Variants in ASB18 observed in about 807,000 individuals in gnomAD.
ASB18 encodes the protein ankyrin repeat and SOCS box containing 18, also known as ankyrin repeat and SOCS box protein 18.
In ASB18, 33 loss-of-function variants were observed where a neutral mutation model predicts 33.4. The observed-to-expected ratio is 0.99, with a 90% CI of 0.75 to 1.32. The LOEUF is 1.32. Among genes scored for constraint, ASB18 ranks in the 40% most tolerant of loss-of-function variants. The pLI is 0.00. For missense variants in ASB18, 694 were observed against 655.5 expected (o/e 1.06, Z -0.64); for synonymous variants, 295 against 307.6 (o/e 0.96, Z 0.43).
rs897994079 is a variant in ASB18 at position 236,238,723 on chromosome 2, T to C, written c.329-767A>G. On this transcript the variant is annotated intron_variant, in intron 2 of 5. Transcript: ENST00000409749. This position sits in a 1 kb window ranked among gnomAD's most constrained non-coding sequence, Gnocchi z 5.2. ...GCACTTTCAAAAAGCCCGTGGAAGG[T>C]TGTTAGCGGCCAGGAGCGCTCGTGG... Among the ~76,000 whole-genome samples the C allele has an allele frequency of 1.3e-5, 2 of 151,990 alleles. No individual in the cohort carries two copies. The highest frequency in any genetic ancestry group is 1.3e-4 in the Admixed American group (2 of 15,252).
At position 236,217,424 on chromosome 2, in the gene ASB18, A is replaced by AATAAAT. The variant is rs1553600512; in HGVS notation, c.597-2559_597-2558insATTTAT. On this transcript the variant is annotated intron_variant, in intron 3 of 5. Coordinates refer to ENST00000409749, the MANE Select transcript of ASB18 (RefSeq NM_212556.4). This position sits in a 1 kb window ranked among gnomAD's most constrained non-coding sequence, Gnocchi z 5.2. ...CGAGACTCTGTCTCAAAAAAAAAAA[A>AATAAAT]AAATAAATCTTGGCACCTTCAACTC... Among the ~76,000 whole-genome samples the AATAAAT allele has an allele frequency of 0.12, 17,852 of 150,370 alleles. 1,101 individuals carry two copies. The highest frequency in any genetic ancestry group is 0.17 in the South Asian group (794 of 4,758).
At position 236,204,785 on chromosome 2, in the gene ASB18, T is replaced by G. The variant is rs2060425215; in HGVS notation, c.1102-8400A>C. Among the ~76,000 whole-genome samples, 1 of 151,648 alleles carries G rather than the reference T, an allele frequency of 6.6e-6. No homozygotes were observed. Among genetic ancestry groups the G allele is most frequent in the Non-Finnish European group, 1.5e-5 (1 of 67,940 alleles). ...TCCATTGCTCCTGTTTCTCCTACAC[T>G]CCACATACCAAAAACTGAACTCCCT... On this transcript the variant is annotated intron_variant, in intron 4 of 5. Coordinates refer to ENST00000409749, the MANE Select transcript of ASB18 (RefSeq NM_212556.4). The surrounding 1 kb of genome is among the most constrained non-coding windows in gnomAD (Gnocchi z 5.1).
Position 236,214,179 on chromosome 2 carries a change from A to G in ASB18, c.1101+183T>C. 1 of 631,800 alleles carries G rather than the reference A, an allele frequency of 1.6e-6. No individual in the cohort carries two copies. Among genetic ancestry groups the G allele is most frequent in the Non-Finnish European group, 2.6e-6 (1 of 379,230 alleles). The allele number at this position is 631,800 out of a possible 1,614,324, so 39.1% of individuals were successfully genotyped here. ...AACAGCAGTCTAGGCCACACCCGGGAGCTTGTTGGCAATGCAGGCTCTCCC... is the reference window on the plus strand; with the variant it reads ...AACAGCAGTCTAGGCCACACCCGGGGGCTTGTTGGCAATGCAGGCTCTCCC... On this transcript the variant is annotated intron_variant, in intron 4 of 5. Coordinates refer to ENST00000409749, the MANE Select transcript of ASB18 (RefSeq NM_212556.4). This position sits in a 1 kb window ranked among gnomAD's most constrained non-coding sequence, Gnocchi z 6.5.
At position 236,234,776 on chromosome 2, in the gene ASB18, T is replaced by C. The variant is rs1407592891; in HGVS notation, c.596+2913A>G. Among the ~76,000 whole-genome samples the C allele has an allele frequency of 6.6e-6, 1 of 152,218 alleles. No individual in the cohort carries two copies. On this transcript the variant is annotated intron_variant, in intron 3 of 5. Transcript: ENST00000409749. This position sits in a 1 kb window ranked among gnomAD's most constrained non-coding sequence, Gnocchi z 4.1. ...AAGCTTCAATCCCTACCTCACATCA[T>C]ATTCAGAAATGAACTCAAAATGGAT...
rs907275891 is a variant in ASB18, at chr2:236,195,619, G to A, written c.1216-562C>T. 2.0e-5 allele frequency among the ~76,000 whole-genome samples: 3 copies of A among 151,876 alleles called. No individual in the cohort carries two copies. Among genetic ancestry groups the A allele is most frequent in the African/African-American group, 7.3e-5 (3 of 41,316 alleles). ...CACTCTCTGCCTCCTGGGCTCAAGC[G>A]ATTCTCCTGCCTTAGCCTCCTGAGT... On this transcript the variant is annotated intron_variant, in intron 5 of 5. Transcript: ENST00000409749. This position sits in a 1 kb window ranked among gnomAD's most constrained non-coding sequence, Gnocchi z 5.5.
rs1298926541 is a variant in ASB18, at chr2:236,264,235, G to A, written c.111C>T (p.Cys37=). The part of the protein sequence containing the change: ...KDEERVRDLI[C]TEITPVDAVI... ...CAGCGTCCACAGGCGTGATTTCAGT[G>A]CAGATTAAATCCCTCACTCTCTCCT... The change falls in exon 1 of 6, where the codon TGC becomes TGT. Residue 37 remains cysteine, a synonymous_variant. Coordinates refer to ENST00000409749, the MANE Select transcript of ASB18 (RefSeq NM_212556.4). This position sits in a 1 kb window ranked among gnomAD's most constrained non-coding sequence, Gnocchi z 5.1. 6.2e-7 allele frequency: 1 copy of A among 1,613,956 alleles called. No individual in the cohort carries two copies. The highest frequency in any genetic ancestry group is 2.2e-5 in the East Asian group (1 of 44,874).
Position 236,193,924 on chromosome 2 carries a change from T to C in ASB18, c.*948A>G, listed in dbSNP as rs1435188690. ...TCGTGTCTGAATTGTCCCAGTGTTGTGTGTGGGTGGGTGGGTGTGGGGGTG... is the reference window on the plus strand; with the variant it reads ...TCGTGTCTGAATTGTCCCAGTGTTGCGTGTGGGTGGGTGGGTGTGGGGGTG... On this transcript the variant is annotated 3_prime_UTR_variant, in exon 6 of 6. Coordinates refer to ENST00000409749, the MANE Select transcript of ASB18 (RefSeq NM_212556.4). This position sits in a 1 kb window ranked among gnomAD's most constrained non-coding sequence, Gnocchi z 5.0. 1.3e-5 allele frequency among the ~76,000 whole-genome samples: 2 copies of C among 151,920 alleles called. No individual in the cohort carries two copies. Among genetic ancestry groups the C allele is most frequent in the African/African-American group, 4.8e-5 (2 of 41,368 alleles).
rs922258942 is a variant in ASB18, at chr2:236,244,553, A to T, written c.206-3151T>A. Among the ~76,000 whole-genome samples the T allele has an allele frequency of 1.3e-5, 2 of 152,132 alleles. No individual in the cohort carries two copies. Among genetic ancestry groups the T allele is most frequent in the Non-Finnish European group, 2.9e-5 (2 of 68,028 alleles). On this transcript the variant is annotated intron_variant, in intron 1 of 5. Coordinates refer to ENST00000409749, the MANE Select transcript of ASB18 (RefSeq NM_212556.4). This position sits in a 1 kb window ranked among gnomAD's most constrained non-coding sequence, Gnocchi z 6.1. The stretch of plus-strand genomic sequence containing the variant: ...AGTCGAGCTTCCTAAGCCTCCTTTT[A>T]TGCCAGTTTCTTCTCTCTCAGTCTT...
Position 236,224,185 on chromosome 2 carries a change from G to GTTT in ASB18, c.597-9322_597-9320dup, listed in dbSNP as rs1161648778. Among the ~76,000 whole-genome samples, 41 of 66,802 alleles carry GTTT rather than the reference G, an allele frequency of 6.1e-4. 3 individuals carry two copies. Among genetic ancestry groups the GTTT allele is most frequent in the African/African-American group, 1.9e-3 (23 of 12,338 alleles). The allele number at this position is 66,802 out of a possible 152,430, so 43.8% of individuals were successfully genotyped here. Reference sequence around the variant, plus strand: ...TCTTGTCAACATTTGGTGTTGTCAGGTTTTTTTTTTTTTTTTTTTTTTTTT... The same window carrying GTTT: ...TCTTGTCAACATTTGGTGTTGTCAGGTTTTTTTTTTTTTTTTTTTTTTTTTTTT... On this transcript the variant is annotated intron_variant, in intron 3 of 5. Coordinates refer to ENST00000409749, the MANE Select transcript of ASB18 (RefSeq NM_212556.4).
In ASB18 at chr2:236,202,814, T is replaced by TACACACAC. The variant is rs1553599254; in HGVS notation, c.1102-6437_1102-6430dup. On this transcript the variant is annotated intron_variant, in intron 4 of 5. Transcript: ENST00000409749. Reference sequence around the variant, plus strand: ...AAAAAAATATATATATATATATATATACACACACCTATAGTTCTCTAAAAA... The same window carrying TACACACAC: ...AAAAAAATATATATATATATATATATACACACACACACACACCTATAGTTCTCTAAAAA... Among the ~76,000 whole-genome samples the TACACACAC allele has an allele frequency of 3.4e-3, 429 of 125,404 alleles. 2 individuals carry two copies. Among genetic ancestry groups the TACACACAC allele is most frequent in the Middle Eastern group, 8.1e-3 (2 of 246 alleles). The allele number at this position is 125,404 out of a possible 152,430, so 82.3% of individuals were successfully genotyped here. A position where few individuals can be genotyped will look rare whatever the true frequency, so the allele number is the denominator to read the frequency against.
At position 236,238,011 on chromosome 2, in the gene ASB18, TGG is replaced by T; in HGVS notation, c.329-57_329-56del. 1 of 975,184 alleles carries T rather than the reference TGG, an allele frequency of 1.0e-6. No homozygotes were observed. Among genetic ancestry groups the T allele is most frequent in the Non-Finnish European group, 1.4e-6 (1 of 714,158 alleles). 60.4% of individuals were successfully genotyped at this position (975,184 alleles called of 1,614,324 possible). On this transcript the variant is annotated intron_variant, in intron 2 of 5. Transcript: ENST00000409749. The surrounding 1 kb of genome is among the most constrained non-coding windows in gnomAD (Gnocchi z 5.2). ...AGGGGGAGGTTAGTTGTGGTGGTGG[TGG>T]GCGGTGTTCCTTAAGGCGGAAAGAA...
At position 236,255,435 on chromosome 2, in the gene ASB18, C is replaced by A. The variant is rs1176370348; in HGVS notation, c.205+8706G>T. ...CTGGGATTAGAGGTGTGAGCCACTG[C>A]GCCTGGCCTGGTATTTCTTTATCAC... On this transcript the variant is annotated intron_variant, in intron 1 of 5. Coordinates refer to ENST00000409749, the MANE Select transcript of ASB18 (RefSeq NM_212556.4). The surrounding 1 kb of genome is among the most constrained non-coding windows in gnomAD (Gnocchi z 4.4). 6.6e-6 allele frequency among the ~76,000 whole-genome samples: 1 copy of A among 152,156 alleles called. No homozygotes were observed. The highest frequency in any genetic ancestry group is 2.4e-5 in the African/African-American group (1 of 41,436).
chr2:236,230,456 A>G (rs1388424665), intron 3 of ASB18, among the ~76,000 whole-genome samples: 1 of 151,484 alleles, frequency 6.6e-6, no homozygotes, highest in Non-Finnish European at 1.5e-5. Context: ...GAGTAAACAT[A>G]AACACTTGTT....
Position 236,235,882 on chromosome 2 carries a change from T to C in ASB18, c.596+1807A>G, listed in dbSNP as rs146339693. Among the ~76,000 whole-genome samples the C allele has an allele frequency of 6.6e-6, 1 of 152,116 alleles. No individual in the cohort carries two copies. The highest frequency in any genetic ancestry group is 1.5e-5 in the Non-Finnish European group (1 of 68,018). On this transcript the variant is annotated intron_variant, in intron 3 of 5. Coordinates refer to ENST00000409749, the MANE Select transcript of ASB18 (RefSeq NM_212556.4). The surrounding 1 kb of genome is among the most constrained non-coding windows in gnomAD (Gnocchi z 6.2). The stretch of plus-strand genomic sequence containing the variant: ...GTAATTTTTGTATTTTTTGTAGAGA[T>C]GGGGTTTTGCCGTGTTGCCCAGGCT...
In ASB18 at chr2:236,211,531, C is replaced by T. The variant is rs2060458528; in HGVS notation, c.1101+2831G>A. On this transcript the variant is annotated intron_variant, in intron 4 of 5. Transcript: ENST00000409749. This position sits in a 1 kb window ranked among gnomAD's most constrained non-coding sequence, Gnocchi z 5.0. ...GCGCTCCATGGGTGTCTCTTTACAT[C>T]TATTCACAGTACGGCTGCTGCCCAC... is the stretch of plus-strand genomic sequence containing the variant. 6.6e-6 allele frequency among the ~76,000 whole-genome samples: 1 copy of T among 152,258 alleles called. No homozygotes were observed. Among genetic ancestry groups the T allele is most frequent in the Non-Finnish European group, 1.5e-5 (1 of 68,050 alleles).
rs1438582233 is a variant in ASB18, at chr2:236,234,974, C to T, written c.596+2715G>A. Among the ~76,000 whole-genome samples, 1 of 152,092 alleles carries T rather than the reference C, an allele frequency of 6.6e-6. No homozygotes were observed. The highest frequency in any genetic ancestry group is 1.5e-5 in the Non-Finnish European group (1 of 68,000). On this transcript the variant is annotated intron_variant, in intron 3 of 5. Transcript: ENST00000409749. This position sits in a 1 kb window ranked among gnomAD's most constrained non-coding sequence, Gnocchi z 4.1. ...TCCATAAAAATTAAGAACTTCTGTT[C>T]TTCAAAAGACATTGCTAAGAGAATA...
Position 236,240,170 on chromosome 2 carries a change from C to T in ASB18, c.328+1110G>A, listed in dbSNP as rs141964720. Among the ~76,000 whole-genome samples the T allele has an allele frequency of 1.7e-3, 264 of 152,248 alleles. 1 individual carries two copies. The highest frequency in any genetic ancestry group is 6.2e-3 in the African/African-American group (258 of 41,554). ...TTGTGTGTGTGTATGTCCAGGGCTG[C>T]CGTTGGTATTTTTGGTCTGGGATAG... On this transcript the variant is annotated intron_variant, in intron 2 of 5. Transcript: ENST00000409749.
rs1366879960 is a variant in ASB18 at position 236,241,497 on chromosome 2, C to T, written c.206-95G>A. On this transcript the variant is annotated intron_variant, in intron 1 of 5. Transcript: ENST00000409749. The surrounding 1 kb of genome is among the most constrained non-coding windows in gnomAD (Gnocchi z 4.2). ...TTTGAAATATTTGAAGTTTTCCTCTCACTGGCCCTGGCTGTCTCTCCATTG... is the reference window on the plus strand; with the variant it reads ...TTTGAAATATTTGAAGTTTTCCTCTTACTGGCCCTGGCTGTCTCTCCATTG... 2.1e-6 allele frequency: 3 copies of T among 1,458,884 alleles called. No homozygotes were observed. Among genetic ancestry groups the T allele is most frequent in the Non-Finnish European group, 2.8e-6 (3 of 1,054,816 alleles). 90.4% of individuals were successfully genotyped at this position (1,458,884 alleles called of 1,614,324 possible).
In ASB18 at chr2:236,255,607, T is replaced by C. The variant is rs2060688437; in HGVS notation, c.205+8534A>G. Among the ~76,000 whole-genome samples the C allele has an allele frequency of 6.6e-6, 1 of 152,210 alleles. No individual in the cohort carries two copies. ...AGCTGGTGGCCTCTCCTGGCACCTG[T>C]CCTTTCTCCTCTATCTTCTGCTTTA... On this transcript the variant is annotated intron_variant, in intron 1 of 5. Transcript: ENST00000409749. This position sits in a 1 kb window ranked among gnomAD's most constrained non-coding sequence, Gnocchi z 4.4.
Sources: gnomAD v4.1 joint callset for allele counts (sites outside exome capture counted in the v4.1 genomes callset) on GRCh38, gnomAD v4.1.1 for gene constraint, Gnocchi (gnomAD v3.1) non-coding constraint, MANE v1.5 for transcripts, NCBI Gene and HGNC (gene_info 2026-07-23, HGNC 2026-07-21) for gene names.